The following MED17 variants were observed in gnomAD, a reference collection of about 807,000 sequenced individuals.
MED17 encodes the protein mediator complex subunit 17.
A neutral mutation model predicts 80.8 loss-of-function variants in MED17; 49 were observed. The observed-to-expected ratio is 0.61, with a 90% CI of 0.48 to 0.77. The LOEUF (loss-of-function observed/expected upper bound fraction) is 0.77. Ranked by LOEUF, MED17 falls within the 30% of genes least tolerant of loss-of-function variation. The pLI, the probability that MED17 is intolerant of heterozygous loss-of-function variation, is 0.00. For missense variants in MED17, 718 were observed against 787.0 expected (o/e 0.91, Z 1.05); for synonymous variants, 281 against 280.4 (o/e 1.00, Z -0.02).
At chr11:93,801,060 C>T (rs1375047024) in intron 8 of MED17, 1 of 152,162 alleles carries the variant, frequency 6.6e-6, no homozygotes, top group Non-Finnish European at 1.5e-5. Flanking sequence ...AGATTACTGG[C>T]TTTGGAATTG....
chr11:93,787,612 C>T (rs1943784124), intron 1 of MED17, among the ~76,000 whole-genome samples: 1 of 151,984 alleles, frequency 6.6e-6, no homozygotes, highest in Admixed American at 6.6e-5. Context: ...GGAAGATATG[C>T]TAATAGTGGC....
intron 5 of MED17, 105 bp from the exon 6 acceptor site, chr11:93,794,803 T>C: frequency 8.3e-7 from 1 of 1,202,542 alleles, no homozygotes; most frequent in South Asian, 1.3e-5. Context: ...TATACCGTAA[T>C]GTAGTGTTTT....
chr11:93,797,450 GTGTTTC>G, intron 7 of MED17, 79 bp from the exon 8 acceptor site: 1 of 1,303,930 alleles, frequency 7.7e-7, no homozygotes, highest in Non-Finnish European at 1.1e-6. Context: ...ATTCCTTTCA[GTGTTTC>G]TGTCAACCAT....
At chr11:93,799,864 A>T (rs1943943338) in intron 8 of MED17, among the ~76,000 whole-genome samples, 1 of 151,868 alleles carries the variant, frequency 6.6e-6, no homozygotes, top group Non-Finnish European at 1.5e-5. Flanking sequence ...TATGTGTCAG[A>T]GTGTGTGTGT....
intron 1 of MED17, among the ~76,000 whole-genome samples, chr11:93,787,000 G>A (rs775021536): frequency 6.6e-6 from 1 of 152,040 alleles, no homozygotes; most frequent in African/African-American, 2.4e-5. Flanking sequence ...GAATTAAGTA[G>A]ACTCATAAGT....
chr11:93,796,506 T>A lies in MED17; in HGVS notation c.1109T>A (p.Val370Asp). Residue 370 changes from valine to aspartate, a missense_variant, in exon 7 of 12, where the codon GTC becomes GAC. Transcript: ENST00000251871. ...CAATGTCCGGAGGACCACCTTTATG[T>A]CCTAGAGCATAATTTGCATCTACTG... The part of the protein sequence containing the change: ...EKQCPEDHLY[V>D]LEHNLHLLIR... 6.2e-7 allele frequency: 1 copy of A among 1,614,148 alleles called. No individual in the cohort carries two copies. The highest frequency in any genetic ancestry group is 8.5e-7 in the Non-Finnish European group (1 of 1,179,996).
Position 93,794,880 on chromosome 11 carries a change from A to C in MED17, c.860-28A>C, listed in dbSNP as rs749627360. On this transcript the variant is annotated intron_variant, in intron 5 of 11. Transcript: ENST00000251871. ...AGTTAATGCATAATATGGTTAGATA[A>C]TTGATACATATATTTCTTGTCTTTC... 3 of 1,610,666 alleles carry C rather than the reference A, an allele frequency of 1.9e-6. No homozygotes were observed. In the African/African-American group the frequency reaches 4.0e-5, roughly 22 times the overall value.
At chr11:93,811,637 A>G in intron 11 of MED17, 1 of 564,350 alleles carries the variant, frequency 1.8e-6, no homozygotes, top group Non-Finnish European at 3.1e-6. Flanking sequence ...TCTTTGTGGT[A>G]CAAATAATAA....
At chr11:93,786,044 A>G (rs1943766732) in intron 1 of MED17, among the ~76,000 whole-genome samples, 2 of 152,236 alleles carry the variant, frequency 1.3e-5, no homozygotes, top group Admixed American at 1.3e-4. Context: ...TACAAAGTAT[A>G]GATATATTAC....
chr11:93,798,334 G>A (rs1344893241), intron 8 of MED17, among the ~76,000 whole-genome samples: 8 of 152,054 alleles, frequency 5.3e-5, no homozygotes, highest in Admixed American at 5.2e-4. Flanking sequence ...ATCTTTTTCA[G>A]TGCTAAAGGG....
chr11:93,811,645 TA>T (rs1944086241), intron 11 of MED17: 1 of 573,244 alleles, frequency 1.7e-6, no homozygotes, highest in South Asian at 2.2e-5. Flanking sequence ...GTACAAATAA[TA>T]ATTCATGAAT....
Position 93,794,974 on chromosome 11 carries a change from C to T in MED17, c.926C>T (p.Ala309Val). The change falls in exon 6 of 12, where the codon GCA (alanine) becomes GTA (valine). Residue 309 changes from alanine (A) to valine (V), a missense_variant. Coordinates refer to ENST00000251871, the MANE Select transcript of MED17 (RefSeq NM_004268.5). ...GTTCTCTTATGTAAAGAAATTTTTG[C>T]ACAGCTCTCTCGGGAAGCTGTTCAA... ...QNVLLCKEIFAQLSREAVQIK... is the reference protein window; with the variant it reads ...QNVLLCKEIFVQLSREAVQIK... The T allele has an allele frequency of 3.1e-6, 5 of 1,614,068 alleles. No individual in the cohort carries two copies. The highest frequency in any genetic ancestry group is 4.2e-6 in the Non-Finnish European group (5 of 1,179,964).
chr11:93,805,218 G>A (rs558679080), intron 9 of MED17, among the ~76,000 whole-genome samples: 48 of 152,046 alleles, frequency 3.2e-4, no homozygotes, highest in Non-Finnish European at 5.9e-4. Context: ...CATTTTTGTC[G>A]AGTACCAGGA....
chr11:93,791,101 C>T (rs1180733506), intron 3 of MED17, among the ~76,000 whole-genome samples: 2 of 152,120 alleles, frequency 1.3e-5, no homozygotes, highest in African/African-American at 4.8e-5. Flanking sequence ...GAGCGAGACT[C>T]TCTCAAAAAC....
chr11:93,809,358 C>T (rs141813496), intron 10 of MED17: 63 of 359,264 alleles, frequency 1.8e-4, no homozygotes, highest in African/African-American at 1.1e-3. Flanking sequence ...AATGTAACCA[C>T]GTGTGTCAGC....
intron 1 of MED17, among the ~76,000 whole-genome samples, chr11:93,787,140 G>A (rs144341183): frequency 2.1e-4 from 32 of 152,252 alleles, no homozygotes; most frequent in African/African-American, 6.3e-4. Flanking sequence ...GGGGCCGGGC[G>A]CAGTGGCTCA....
chr11:93,786,693 C>G (rs1404400924), intron 1 of MED17, among the ~76,000 whole-genome samples: 1 of 152,076 alleles, frequency 6.6e-6, no homozygotes, highest in Admixed American at 6.6e-5. Context: ...GTCTTAAATA[C>G]CTGATGTCAG....
At chr11:93,807,330 T>C (rs971541591) in intron 9 of MED17, 188 bp from the exon 10 acceptor site, 1 of 542,714 alleles carries the variant, frequency 1.8e-6, no homozygotes, top group Admixed American at 3.0e-5. Context: ...GGAGACTCTC[T>C]TGAACTCAGG....
chr11:93,792,819 C>T (rs557739604), intron 3 of MED17, among the ~76,000 whole-genome samples: 86 of 152,148 alleles, frequency 5.7e-4, no homozygotes, highest in Non-Finnish European at 9.7e-4. Flanking sequence ...CATGTACCTG[C>T]AGTCCTAGTT....
Sources: gnomAD v4.1 joint callset for allele counts (sites outside exome capture counted in the v4.1 genomes callset) on GRCh38, gnomAD v4.1.1 for gene constraint, MANE v1.5 for transcripts, NCBI Gene and HGNC (gene_info 2026-07-23, HGNC 2026-07-21) for gene names.